The following TRAPPC3L variants were observed in gnomAD, a reference collection of about 807,000 sequenced individuals.
The protein encoded by TRAPPC3L is trafficking protein particle complex subunit 3L.
A neutral mutation model predicts 23.7 loss-of-function variants in TRAPPC3L; 23 were observed. The ratio of observed to expected loss-of-function variants is 0.97; its 90% CI spans 0.70 to 1.37. The LOEUF (loss-of-function observed/expected upper bound fraction) is 1.37, where lower values mean the gene tolerates loss of function less well. Among genes scored for constraint, TRAPPC3L ranks in the 40% most tolerant of loss-of-function variants. TRAPPC3L has a pLI of 0.00. For synonymous variants in TRAPPC3L, 81 were observed against 77.9 expected (o/e 1.04, Z -0.21); for missense variants, 212 against 216.8 (o/e 0.98, Z 0.14).
At chr6:116,514,002 G>T (rs1301608947) in intron 3 of TRAPPC3L, among the ~76,000 whole-genome samples, 1 of 152,182 alleles carries the variant, frequency 6.6e-6, no homozygotes, top group Non-Finnish European at 1.5e-5. Flanking sequence ...ATTTAGAGAT[G>T]ATAGATACAA....
chr6:116,511,108 A>ATATATATATATATATATGTATATT, intron 3 of TRAPPC3L, among the ~76,000 whole-genome samples: 1 of 146,054 alleles, frequency 6.8e-6, no homozygotes, highest in East Asian at 2.0e-4. Context: ...ATATATATGT[A>ATATATATATATATATATGTATATT]TATATATATA....
intron 3 of TRAPPC3L, among the ~76,000 whole-genome samples, chr6:116,535,723 T>C (rs1424076615): frequency 6.6e-6 from 1 of 152,228 alleles, no homozygotes; most frequent in Non-Finnish European, 1.5e-5. Flanking sequence ...TACTGAATAT[T>C]ACACATTTTC....
intron 3 of TRAPPC3L, among the ~76,000 whole-genome samples, chr6:116,514,005 A>T (rs919763552): frequency 1.3e-5 from 2 of 152,162 alleles, no homozygotes; most frequent in Non-Finnish European, 2.9e-5. Flanking sequence ...TAGAGATGAT[A>T]GATACAAATG....
intron 3 of TRAPPC3L, among the ~76,000 whole-genome samples, chr6:116,539,974 C>T (rs1773334134): frequency 6.6e-6 from 1 of 152,120 alleles, no homozygotes; most frequent in South Asian, 2.1e-4. Context: ...CTGGGAATGA[C>T]TAAACAATAT....
At chr6:116,507,941 C>A (rs1211927719) in intron 3 of TRAPPC3L, among the ~76,000 whole-genome samples, 1 of 152,146 alleles carries the variant, frequency 6.6e-6, no homozygotes, top group African/African-American at 2.4e-5. Flanking sequence ...CTGCCAAGAC[C>A]ATGCTATAAC....
chr6:116,538,041 T>C (rs1376490779), intron 3 of TRAPPC3L, among the ~76,000 whole-genome samples: 1 of 152,216 alleles, frequency 6.6e-6, no homozygotes, highest in Non-Finnish European at 1.5e-5. Flanking sequence ...ATATGGGATA[T>C]TTGTTAGCAG....
In TRAPPC3L at chr6:116,496,327, T is replaced by C. The variant is rs1315659498; in HGVS notation, c.*627A>G. On this transcript the variant is annotated 3_prime_UTR_variant, in exon 5 of 5. Coordinates refer to ENST00000368602, the MANE Select transcript of TRAPPC3L (RefSeq NM_001139444.3). Reference sequence around the variant, plus strand: ...AGGAAGGAATTTGGTTGATGCCAGCTATATTAAAACTAAATAAATTAAAAT... The same window carrying C: ...AGGAAGGAATTTGGTTGATGCCAGCCATATTAAAACTAAATAAATTAAAAT... 6.6e-6 allele frequency: 1 copy of C among 152,216 alleles called. No individual in the cohort carries two copies. The highest frequency in any genetic ancestry group is 2.4e-5 in the African/African-American group (1 of 41,472). 9.4% of individuals were successfully genotyped at this position (152,216 alleles called of 1,614,324 possible). A position where few individuals can be genotyped will look rare whatever the true frequency, so the allele number is the denominator to read the frequency against.
At chr6:116,514,416 A>G (rs1195112119) in intron 3 of TRAPPC3L, among the ~76,000 whole-genome samples, 2 of 152,210 alleles carry the variant, frequency 1.3e-5, no homozygotes, top group African/African-American at 4.8e-5. Context: ...ATAAGTACAG[A>G]AAGATATTAT....
chr6:116,530,704 T>C (rs1362142509), intron 3 of TRAPPC3L, among the ~76,000 whole-genome samples: 1 of 151,968 alleles, frequency 6.6e-6, no homozygotes, highest in Non-Finnish European at 1.5e-5. Context: ...TTTTGAAGTG[T>C]TTGCTTTCTT....
At chr6:116,499,973 T>C (rs899204227) in intron 4 of TRAPPC3L, among the ~76,000 whole-genome samples, 2 of 152,238 alleles carry the variant, frequency 1.3e-5, no homozygotes, top group African/African-American at 4.8e-5. Flanking sequence ...AAATCCAGCC[T>C]CCACAATGGT....
At chr6:116,541,507 G>A (rs1002244714) in intron 2 of TRAPPC3L, among the ~76,000 whole-genome samples, 30 of 152,296 alleles carry the variant, frequency 2.0e-4, no homozygotes, top group African/African-American at 6.7e-4. Flanking sequence ...TGGTGACTAG[G>A]TGGTTGGAGG....
intron 4 of TRAPPC3L, among the ~76,000 whole-genome samples, 158 bp downstream of exon 4, chr6:116,500,323 G>A (rs1210379740): frequency 2.6e-5 from 4 of 152,134 alleles, no homozygotes; most frequent in South Asian, 2.1e-4. Flanking sequence ...GATAATAAAC[G>A]TTTGTTTTTT....
intron 3 of TRAPPC3L, among the ~76,000 whole-genome samples, chr6:116,533,039 C>T (rs1418307260): frequency 1.3e-5 from 2 of 152,194 alleles, no homozygotes; most frequent in East Asian, 3.8e-4. Flanking sequence ...TCTAAGCCCC[C>T]AGCTACATCT....
chr6:116,499,311 G>A (rs922618412), intron 4 of TRAPPC3L, among the ~76,000 whole-genome samples: 8 of 152,002 alleles, frequency 5.3e-5, no homozygotes, highest in South Asian at 4.1e-4. Flanking sequence ...TTTTGTTCTC[G>A]TTTTACCTGA....
chr6:116,503,134 A>G (rs1183565856), intron 3 of TRAPPC3L, among the ~76,000 whole-genome samples: 2 of 152,200 alleles, frequency 1.3e-5, no homozygotes, highest in East Asian at 3.8e-4. Flanking sequence ...GACCCATCTC[A>G]TGTGCAAAGA....
chr6:116,503,940 C>T (rs1447666559), intron 3 of TRAPPC3L, among the ~76,000 whole-genome samples: 2 of 152,100 alleles, frequency 1.3e-5, no homozygotes, highest in Non-Finnish European at 2.9e-5. Flanking sequence ...AAAATTAACA[C>T]CCTAACATCA....
chr6:116,511,547 C>A, intron 3 of TRAPPC3L: 1 of 701,114 alleles, frequency 1.4e-6, no homozygotes, highest in Non-Finnish European at 2.4e-6. Flanking sequence ...AATATTCATT[C>A]CTAAGGAATG....
At chr6:116,540,508 G>A (rs756063730) in intron 2 of TRAPPC3L, 46 bp from the exon 3 acceptor site, 8 of 1,524,354 alleles carry the variant, frequency 5.2e-6, no homozygotes, top group Non-Finnish European at 7.1e-6. Flanking sequence ...TAAGAAATTA[G>A]TGAAGTCTGT....
chr6:116,500,673 A>C lies in TRAPPC3L; in HGVS notation c.241-7T>G, dbSNP rs780990975. 2 of 1,550,354 alleles carry C rather than the reference A, an allele frequency of 1.3e-6. No individual in the cohort carries two copies. Among genetic ancestry groups the C allele is most frequent in the Non-Finnish European group, 1.7e-6 (2 of 1,146,672 alleles). ...GGTACATCTTGAAAGCAACCTGATA[A>C]GAAAAAAACAAAATTACTAAAACTT... On this transcript the variant is annotated splice_region_variant and splice_polypyrimidine_tract_variant and intron_variant, in intron 3 of 4. Coordinates refer to ENST00000368602, the MANE Select transcript of TRAPPC3L (RefSeq NM_001139444.3).
Sources: allele counts gnomAD v4.1 joint callset (sites outside exome capture counted in the v4.1 genomes callset), GRCh38; gene constraint gnomAD v4.1.1; transcripts MANE v1.5; gene names NCBI Gene and HGNC (gene_info 2026-07-23, HGNC 2026-07-21).